ADD1: variants seen among roughly 807,000 people sequenced by gnomAD.
ADD1 encodes the protein alpha-adducin.
Under a neutral mutation model 80.5 loss-of-function variants are expected in ADD1, and 24 were observed. The ratio of observed to expected loss-of-function variants is 0.30; its 90% CI spans 0.22 to 0.42. The LOEUF is 0.42. Among genes scored for constraint, ADD1 ranks in the 10% least tolerant of loss-of-function variants. ADD1 has a pLI of 1.00. For synonymous variants in ADD1, 373 were observed against 393.8 expected (o/e 0.95, Z 0.63); for missense variants, 948 against 1,019.0 (o/e 0.93, Z 0.95).
intron 13 of ADD1, among the ~76,000 whole-genome samples, chr4:2,914,469 C>G (rs574758183): frequency 6.6e-6 from 1 of 152,220 alleles, no homozygotes; most frequent in African/African-American, 2.4e-5. Context: ...GCATGCCTTA[C>G]GCTGAGTGCT....
At chr4:2,883,365 A>G (rs77239670) in intron 3 of ADD1, among the ~76,000 whole-genome samples, 6,222 of 151,808 alleles carry the variant, frequency 0.041, 220 homozygotes, top group African/African-American at 0.098. Flanking sequence ...AAACATAGTC[A>G]GTGTGTTTCA....
At chr4:2,918,613 C>T (rs552584986) in intron 14 of ADD1, among the ~76,000 whole-genome samples, 5 of 152,286 alleles carry the variant, frequency 3.3e-5, no homozygotes, top group African/African-American at 1.2e-4. Context: ...GGAATGCTTC[C>T]AGCCTTTGCC....
intron 1 of ADD1, among the ~76,000 whole-genome samples, chr4:2,856,915 A>AT (rs1728166095): frequency 7.4e-6 from 1 of 134,436 alleles, no homozygotes; most frequent in African/African-American, 2.8e-5. Flanking sequence ...GTTATTTTTT[A>AT]TTTTTTATTT....
At chr4:2,909,100 A>G in intron 12 of ADD1, 1 of 549,202 alleles carries the variant, frequency 1.8e-6, no homozygotes, top group East Asian at 3.1e-5. Flanking sequence ...ATCTCTGAAA[A>G]CTAATATGCC....
rs1045566214 is a variant in ADD1 at position 2,900,758 on chromosome 4, C to T, written c.1161+1323C>T. On this transcript the variant is annotated intron_variant, in intron 9 of 15. Coordinates refer to ENST00000683351, the MANE Select transcript of ADD1 (RefSeq NM_001354761.2). Reference sequence around the variant, plus strand: ...GGGTTTTCTGCCTGGGCGCGATAGTCAGTCAGTGGAGTAGACTCAATCAGT... The same window carrying T: ...GGGTTTTCTGCCTGGGCGCGATAGTTAGTCAGTGGAGTAGACTCAATCAGT... 2.0e-5 allele frequency: 3 copies of T among 152,018 alleles called. No homozygotes were observed. In the East Asian group the frequency reaches 5.8e-4, roughly 29 times the overall value. The allele number at this position is 152,018 out of a possible 1,614,324, so 9.4% of individuals were successfully genotyped here. A position where few individuals can be genotyped will look rare whatever the true frequency, so the allele number is the denominator to read the frequency against.
In ADD1 at chr4:2,864,456, G is replaced by A. The variant is rs554475414; in HGVS notation, c.-20-11440G>A. On this transcript the variant is annotated intron_variant, in intron 1 of 15. Transcript: ENST00000683351. The stretch of plus-strand genomic sequence containing the variant: ...CAAAACAAAAAACAGGATTTATATT[G>A]TAAAATATAAAACTTTAAACAAATG... Among the ~76,000 whole-genome samples, 6 of 152,254 alleles carry A rather than the reference G, an allele frequency of 3.9e-5. No individual in the cohort carries two copies. The East Asian group carries it at 1.2e-3, about 29-fold the overall frequency.
At chr4:2,903,818 C>T (rs1242498788) in intron 9 of ADD1, among the ~76,000 whole-genome samples, 1 of 152,124 alleles carries the variant, frequency 6.6e-6, no homozygotes, top group Non-Finnish European at 1.5e-5. Flanking sequence ...CGTCCATGCC[C>T]TTAGAGATGC....
chr4:2,893,437 AC>A (rs1273673848), intron 4 of ADD1, among the ~76,000 whole-genome samples: 2 of 151,840 alleles, frequency 1.3e-5, no homozygotes, highest in African/African-American at 4.8e-5. Flanking sequence ...GCATGGCGAA[AC>A]CCTGTCTCTA....
intron 8 of ADD1, 29 bp from the exon 9 acceptor site, chr4:2,899,230 C>G (rs1158044101): frequency 2.5e-6 from 4 of 1,584,934 alleles, no homozygotes; most frequent in Non-Finnish European, 3.4e-6. Flanking sequence ...GTAAGGAACT[C>G]AAGCCATGCT....
At chr4:2,865,431 CTCA>C (rs1729406183) in intron 1 of ADD1, among the ~76,000 whole-genome samples, 1 of 152,346 alleles carries the variant, frequency 6.6e-6, no homozygotes, top group African/African-American at 2.4e-5. Context: ...TATCTCATGT[CTCA>C]GCCTTTGCGT....
At position 2,852,188 on chromosome 4, in the gene ADD1, T is replaced by TCC. The variant is rs1461242011; in HGVS notation, c.-21+8164_-21+8165insCC. 4.8e-3 allele frequency among the ~76,000 whole-genome samples: 209 copies of TCC among 43,910 alleles called. 3 individuals are homozygous for TCC. The highest frequency in any genetic ancestry group is 0.018 in the African/African-American group (200 of 11,282). The allele number at this position is 43,910 out of a possible 152,430, so 28.8% of individuals were successfully genotyped here. A position where few individuals can be genotyped will look rare whatever the true frequency, so the allele number is the denominator to read the frequency against. On this transcript the variant is annotated intron_variant, in intron 1 of 15. Coordinates refer to ENST00000683351, the MANE Select transcript of ADD1 (RefSeq NM_001354761.2). ...TTTCTTTCTTTCTTTCTTTCTTTCT[T>TCC]TCTTTCTTTCCTTTCTTTCCTTTCC...
chr4:2,846,790 C>T (rs1445956204), intron 1 of ADD1, among the ~76,000 whole-genome samples: 2 of 145,418 alleles, frequency 1.4e-5, no homozygotes, highest in African/African-American at 5.2e-5. Context: ...GAGCCATGAT[C>T]ACTTCACTGC....
chr4:2,911,769 A>G (rs1032260174), intron 13 of ADD1, among the ~76,000 whole-genome samples: 3 of 152,090 alleles, frequency 2.0e-5, no homozygotes, highest in African/African-American at 7.2e-5. Context: ...ACCTGAAATA[A>G]TTTTGGCTGC....
intron 10 of ADD1, chr4:2,907,161 C>G (rs1737197499): frequency 6.6e-6 from 1 of 152,242 alleles, no homozygotes; most frequent in Non-Finnish European, 1.5e-5. Flanking sequence ...TCGACATCAC[C>G]AAACTCTTCT....
intron 1 of ADD1, among the ~76,000 whole-genome samples, chr4:2,867,028 G>A (rs971338659): frequency 2.0e-5 from 3 of 152,118 alleles, no homozygotes; most frequent in Non-Finnish European, 4.4e-5. Context: ...CCAACATCAC[G>A]CCACTGCACT....
intron 1 of ADD1, among the ~76,000 whole-genome samples, chr4:2,873,176 A>G (rs1730729015): frequency 1.3e-5 from 2 of 152,100 alleles, no homozygotes; most frequent in Non-Finnish European, 2.9e-5. Context: ...CATTTTTATT[A>G]GAAACAGGGT....
intron 1 of ADD1, among the ~76,000 whole-genome samples, chr4:2,871,329 T>G (rs1289272946): frequency 2.6e-5 from 4 of 152,176 alleles, no homozygotes; most frequent in Non-Finnish European, 5.9e-5. Context: ...GATCATACCA[T>G]TGTATAAAGC....
At chr4:2,873,932 C>G (rs1730843865) in intron 1 of ADD1, among the ~76,000 whole-genome samples, 1 of 152,168 alleles carries the variant, frequency 6.6e-6, no homozygotes, top group African/African-American at 2.4e-5. Flanking sequence ...AGAGATTCCA[C>G]TTAGGCTGGG....
intron 4 of ADD1, among the ~76,000 whole-genome samples, chr4:2,890,899 A>G (rs1166693187): frequency 6.6e-6 from 1 of 152,176 alleles, no homozygotes; most frequent in African/African-American, 2.4e-5. Context: ...TCTTCATTCC[A>G]ACCAGTATAT....
Sources: gnomAD v4.1 joint callset for allele counts (sites outside exome capture counted in the v4.1 genomes callset) on GRCh38, gnomAD v4.1.1 for gene constraint, MANE v1.5 for transcripts, NCBI Gene and HGNC (gene_info 2026-07-23, HGNC 2026-07-21) for gene names.